The following OSTF1 variants were observed in gnomAD, a reference collection of about 807,000 sequenced individuals.
OSTF1 encodes the protein osteoclast-stimulating factor 1.
OSTF1 carries 27 observed loss-of-function variants against 37.2 expected under a neutral mutation model. The observed-to-expected ratio is 0.73, with a 90% CI of 0.54 to 1.00. The LOEUF (loss-of-function observed/expected upper bound fraction) is 1.00, where lower values mean the gene tolerates loss of function less well. Ranked by LOEUF, OSTF1 falls within the 50% of genes least tolerant of loss-of-function variation. The pLI is 0.00. For synonymous variants in OSTF1, 82 were observed against 89.2 expected, an observed-to-expected ratio of 0.92 and a Z score of 0.46; for missense variants, 232 against 253.8, an observed-to-expected ratio of 0.91 and a Z score of 0.58.
In OSTF1 at chr9:75,088,620, C is replaced by G; in HGVS notation, c.-73C>G. The G allele has an allele frequency of 6.7e-7, 1 of 1,495,992 alleles. No homozygotes were observed. Among genetic ancestry groups the G allele is most frequent in the East Asian group, 2.4e-5 (1 of 41,576 alleles). 92.7% of individuals were successfully genotyped at this position (1,495,992 alleles called of 1,614,324 possible). On this transcript the variant is annotated 5_prime_UTR_variant, in exon 1 of 10. Transcript: ENST00000346234. ...GCCAGACAAAAAGAACTGGGGTGCC[C>G]GGAGTGCCAGGTGGCGGGCAAGCGG...
intron 1 of OSTF1, among the ~76,000 whole-genome samples, chr9:75,112,026 A>G (rs149565378): frequency 0.048 from 7,197 of 151,176 alleles, 217 homozygotes; most frequent in Middle Eastern, 0.08. Context: ...GGTTTCACCA[A>G]GTTAGCCAGG....
At position 75,134,563 on chromosome 9, in the gene OSTF1, C is replaced by G. The variant is rs1276442370; in HGVS notation, c.408+168C>G. 2.0e-5 allele frequency among the ~76,000 whole-genome samples: 3 copies of G among 152,258 alleles called. No homozygotes were observed. In the East Asian group the frequency reaches 5.8e-4, roughly 29 times the overall value. On this transcript the variant is annotated intron_variant, in intron 7 of 9. Coordinates refer to ENST00000346234, the MANE Select transcript of OSTF1 (RefSeq NM_012383.5). ...TATCCACAGCCCCAAGTGCCAAACC[C>G]ACTCCTCCTCATATGTCACTTTCAG...
At chr9:75,115,996 C>T (rs1267328663) in intron 1 of OSTF1, among the ~76,000 whole-genome samples, 1 of 152,026 alleles carries the variant, frequency 6.6e-6, no homozygotes, top group Non-Finnish European at 1.5e-5. Flanking sequence ...CCCAGTCACT[C>T]TGGAGGCTGA....
chr9:75,135,704 G>A (rs1257656344), intron 7 of OSTF1, among the ~76,000 whole-genome samples: 1 of 152,196 alleles, frequency 6.6e-6, no homozygotes, highest in African/African-American at 2.4e-5. Flanking sequence ...AGAATTCTGG[G>A]CATGGCATAG....
chr9:75,108,028 C>T (rs969833174), intron 1 of OSTF1, among the ~76,000 whole-genome samples: 4 of 151,946 alleles, frequency 2.6e-5, no homozygotes, highest in Non-Finnish European at 4.4e-5. Flanking sequence ...CTTGAAGCCA[C>T]GAGTTTGAGA....
chr9:75,125,889 ATATTT>A (rs1208039344), intron 2 of OSTF1, among the ~76,000 whole-genome samples: 2 of 152,276 alleles, frequency 1.3e-5, no homozygotes, highest in Admixed American at 6.5e-5. Flanking sequence ...AATGGATGAA[ATATTT>A]TATTTTTAAT....
intron 2 of OSTF1, among the ~76,000 whole-genome samples, chr9:75,118,586 G>A (rs1036268932): frequency 6.6e-6 from 1 of 152,076 alleles, no homozygotes; most frequent in African/African-American, 2.4e-5. Context: ...GAGAAGGGGT[G>A]TATGAGTCTG....
At chr9:75,145,143 C>G (rs896457560) in intron 9 of OSTF1, among the ~76,000 whole-genome samples, 2 of 64,896 alleles carry the variant, frequency 3.1e-5, no homozygotes, top group Non-Finnish European at 6.2e-5. Flanking sequence ...GCCTGCCTAT[C>G]TATCTATCTA....
At chr9:75,141,312 C>CAAAAAAAAAAAAAAAA (rs529293090) in intron 9 of OSTF1, among the ~76,000 whole-genome samples, 121 of 71,684 alleles carry the variant, frequency 1.7e-3, no homozygotes, top group Non-Finnish European at 1.8e-3. Context: ...AAAAGAAAAC[C>CAAAAAAAAAAAAAAAA]AAAAAAAAAA....
At chr9:75,097,963 T>A (rs1447528281) in intron 1 of OSTF1, among the ~76,000 whole-genome samples, 1 of 151,808 alleles carries the variant, frequency 6.6e-6, no homozygotes, top group Admixed American at 6.6e-5. Context: ...GCTCAAGTGA[T>A]CCTCCCACCT....
chr9:75,136,854 G>A (rs1206344163), intron 7 of OSTF1, among the ~76,000 whole-genome samples: 1 of 152,130 alleles, frequency 6.6e-6, no homozygotes, highest in Non-Finnish European at 1.5e-5. Flanking sequence ...CCTGCACATG[G>A]GGCTGCACTG....
chr9:75,123,393 C>T (rs1003899618), intron 2 of OSTF1, among the ~76,000 whole-genome samples: 2 of 152,178 alleles, frequency 1.3e-5, no homozygotes, highest in Non-Finnish European at 2.9e-5. Flanking sequence ...CACTGCACTC[C>T]AACCTGGGCG....
At chr9:75,091,245 C>G (rs1824969945) in intron 1 of OSTF1, among the ~76,000 whole-genome samples, 1 of 151,832 alleles carries the variant, frequency 6.6e-6, no homozygotes, top group South Asian at 2.1e-4. Flanking sequence ...GCCACCATGC[C>G]CGGCTAATTT....
chr9:75,135,978 G>A (rs1587474011), intron 7 of OSTF1, among the ~76,000 whole-genome samples: 2 of 152,176 alleles, frequency 1.3e-5, no homozygotes, highest in Non-Finnish European at 2.9e-5. Context: ...TTTTTTAGGG[G>A]CCCACCTGGT....
intron 5 of OSTF1, among the ~76,000 whole-genome samples, 200 bp downstream of exon 5, chr9:75,132,023 G>A (rs970274680): frequency 1.3e-5 from 2 of 152,336 alleles, no homozygotes; most frequent in African/African-American, 2.4e-5. Context: ...CTACCCTAGA[G>A]AAGTGTGATT....
At chr9:75,120,931 T>C (rs909069796) in intron 2 of OSTF1, among the ~76,000 whole-genome samples, 1 of 152,188 alleles carries the variant, frequency 6.6e-6, no homozygotes, top group Non-Finnish European at 1.5e-5. Context: ...GTAAAGACTT[T>C]TCTGACCACT....
intron 1 of OSTF1, among the ~76,000 whole-genome samples, chr9:75,099,653 C>A (rs1200931010): frequency 6.6e-6 from 1 of 152,150 alleles, no homozygotes; most frequent in East Asian, 1.9e-4. Flanking sequence ...CATAGTGAAA[C>A]CCCGCCTCTA....
At chr9:75,133,261 T>C (rs753158386) in intron 5 of OSTF1, 33 bp from the exon 6 acceptor site, 3 of 1,305,488 alleles carry the variant, frequency 2.3e-6, no homozygotes, top group South Asian at 2.5e-5. Flanking sequence ...AAGCTTTTTT[T>C]CTTGTGTTCT....
At chr9:75,088,778 G>A (rs114786753) in intron 1 of OSTF1, 52 bp downstream of exon 1, 2 of 1,549,932 alleles carry the variant, frequency 1.3e-6, no homozygotes, top group Non-Finnish European at 1.8e-6. Context: ...CCGCGGTGCC[G>A]GCGCCTCCTC....
Sources: allele counts gnomAD v4.1 joint callset (sites outside exome capture counted in the v4.1 genomes callset), GRCh38; gene constraint gnomAD v4.1.1; transcripts MANE v1.5; gene names NCBI Gene and HGNC (gene_info 2026-07-23, HGNC 2026-07-21).